CCDC7: variants seen among roughly 807,000 people sequenced by gnomAD.
CCDC7 encodes the protein coiled-coil domain-containing protein 7.
A neutral mutation model predicts 196.9 loss-of-function variants in CCDC7; 183 were observed. That is an observed-to-expected ratio of 0.93 (90% CI 0.82 to 1.05). The LOEUF is 1.05. Among genes scored for constraint, CCDC7 ranks in the 50% least tolerant of loss-of-function variants. CCDC7 has a pLI of 0.00. For synonymous variants in CCDC7, 525 were observed against 484.6 expected (o/e 1.08, Z -1.10); for missense variants, 1,540 against 1,482.2 (o/e 1.04, Z -0.64).
intron 39 of CCDC7, among the ~76,000 whole-genome samples, chr10:32,850,622 G>C (rs563059784): frequency 7.2e-4 from 109 of 152,236 alleles, no homozygotes; most frequent in African/African-American, 2.4e-3. Context: ...AATAGAATCA[G>C]CTCTTCCCAG....
At chr10:32,868,773 G>A (rs2094309902) in intron 41 of CCDC7, among the ~76,000 whole-genome samples, 2 of 134,078 alleles carry the variant, frequency 1.5e-5, no homozygotes, top group East Asian at 2.2e-4. Flanking sequence ...CTGTGTCCAC[G>A]TGTTCTCACT....
chr10:32,458,776 T>G (rs538676744), intron 3 of CCDC7, among the ~76,000 whole-genome samples: 1 of 152,268 alleles, frequency 6.6e-6, no homozygotes, highest in South Asian at 2.1e-4. Context: ...GTTTTCTATT[T>G]CTGTAAAGAA....
chr10:32,817,193 C>A (rs939947423), intron 31 of CCDC7, among the ~76,000 whole-genome samples: 5 of 152,088 alleles, frequency 3.3e-5, no homozygotes, highest in African/African-American at 1.2e-4. Flanking sequence ...GACGTATGCA[C>A]AAGCCTGAGT....
intron 20 of CCDC7, among the ~76,000 whole-genome samples, chr10:32,659,256 T>C (rs1565002448): frequency 1.3e-5 from 2 of 152,064 alleles, no homozygotes; most frequent in African/African-American, 4.8e-5. Context: ...TCTTGAGATA[T>C]TTTTGATTTT....
chr10:32,465,506 C>T (rs1362458778), intron 5 of CCDC7, among the ~76,000 whole-genome samples: 1 of 150,978 alleles, frequency 6.6e-6, no homozygotes, highest in Non-Finnish European at 1.5e-5. Context: ...TTTTGAAACA[C>T]TAGTCCTTTG....
intron 9 of CCDC7, chr10:32,511,706 A>G (rs1258981298): frequency 1.3e-6 from 2 of 1,581,870 alleles, no homozygotes; most frequent in African/African-American, 1.3e-5. Context: ...GTGAATTTCT[A>G]CTGGATAGTC....
At chr10:32,448,896 T>C (rs1205993127), upstream of CCDC7, among the ~76,000 whole-genome samples, 1 of 152,140 alleles carries the variant, frequency 6.6e-6, no homozygotes, top group Non-Finnish European at 1.5e-5. Context: ...TTCAGGAATA[T>C]GTGATAAATG....
intron 23 of CCDC7, among the ~76,000 whole-genome samples, chr10:32,694,516 G>T (rs1010331292): frequency 5.9e-5 from 9 of 152,118 alleles, no homozygotes; most frequent in African/African-American, 2.2e-4. Flanking sequence ...AGTCTCCTCT[G>T]CTTGAAAGTT....
chr10:32,873,724 AT>A (rs1210780192), intron 41 of CCDC7, among the ~76,000 whole-genome samples: 2 of 151,780 alleles, frequency 1.3e-5, no homozygotes, highest in Non-Finnish European at 2.9e-5. Flanking sequence ...ATATATTTTC[AT>A]TTATCTTGGA....
chr10:32,699,451 C>G (rs1455632656), intron 24 of CCDC7, among the ~76,000 whole-genome samples: 1 of 150,940 alleles, frequency 6.6e-6, no homozygotes, highest in Non-Finnish European at 1.5e-5. Flanking sequence ...CCCAGTCTAT[C>G]ATTGTTGGAC....
At chr10:32,680,087 CTGAGTTAT>C (rs1351401400) in intron 21 of CCDC7, among the ~76,000 whole-genome samples, 1 of 152,158 alleles carries the variant, frequency 6.6e-6, no homozygotes, top group Admixed American at 6.5e-5. Flanking sequence ...CTTAGATGTA[CTGAGTTAT>C]TGAATGGGGA....
intron 18 of CCDC7, among the ~76,000 whole-genome samples, chr10:32,623,358 G>C (rs1243234831): frequency 6.6e-6 from 1 of 151,920 alleles, no homozygotes; most frequent in Non-Finnish European, 1.5e-5. Context: ...ATATATGATA[G>C]GGTATATAAC....
chr10:32,614,250 CTTT>C (rs142984342), intron 18 of CCDC7, among the ~76,000 whole-genome samples: 1 of 138,604 alleles, frequency 7.2e-6, no homozygotes, highest in Non-Finnish European at 1.6e-5. Flanking sequence ...TTTTTCTTTT[CTTT>C]TTTTTTTTGC....
chr10:32,775,368 C>T (rs997948553), intron 28 of CCDC7, among the ~76,000 whole-genome samples: 4 of 152,040 alleles, frequency 2.6e-5, no homozygotes, highest in African/African-American at 9.7e-5. Context: ...GAGCTTTATT[C>T]TGCCATCTTC....
At chr10:32,655,048 A>G (rs2069529315) in intron 20 of CCDC7, among the ~76,000 whole-genome samples, 1 of 152,218 alleles carries the variant, frequency 6.6e-6, no homozygotes, top group Admixed American at 6.5e-5. Context: ...TCAAATAGAT[A>G]TATACCTTGA....
intron 38 of CCDC7, 82 bp downstream of exon 39, chr10:32,847,998 C>T: frequency 2.6e-6 from 2 of 762,166 alleles, no homozygotes; most frequent in Non-Finnish European, 4.1e-6. Context: ...ATAACAGTAC[C>T]TATATGTTAA....
At chr10:32,672,668 G>A (rs1052948526) in intron 21 of CCDC7, among the ~76,000 whole-genome samples, 2 of 152,124 alleles carry the variant, frequency 1.3e-5, no homozygotes, top group African/African-American at 4.8e-5. Context: ...AGGCCGTTGG[G>A]AACCATGGTG....
At chr10:32,801,349 C>T (rs1286675099) in intron 29 of CCDC7, among the ~76,000 whole-genome samples, 1 of 152,198 alleles carries the variant, frequency 6.6e-6, no homozygotes, top group Non-Finnish European at 1.5e-5. Flanking sequence ...AGCTCGCTCA[C>T]AGTGGGCCAT....
chr10:32,876,287 T>C, intron 41 of CCDC7, 60 bp from the exon 43 acceptor site: 2 of 1,272,854 alleles, frequency 1.6e-6, no homozygotes, highest in Non-Finnish European at 2.2e-6. Flanking sequence ...ACAATAAAAA[T>C]TATATCAACT....
Sources: allele counts gnomAD v4.1 joint callset (sites outside exome capture counted in the v4.1 genomes callset), GRCh38; gene constraint gnomAD v4.1.1; transcripts MANE v1.5; gene names NCBI Gene and HGNC (gene_info 2026-07-23, HGNC 2026-07-21).